Variants in IKBKG observed in about 807,000 individuals in gnomAD.
IKBKG encodes inhibitor of nuclear factor kappa B kinase regulatory subunit gamma, also known as NF-kappa-B essential modulator.
A neutral mutation model predicts 13.7 loss-of-function variants in IKBKG; 2 were observed. The ratio of observed to expected loss-of-function variants is 0.15; its 90% CI spans 0.06 to 0.46. The LOEUF (loss-of-function observed/expected upper bound fraction) is 0.46, where lower values mean the gene tolerates loss of function less well. IKBKG is among the 20% of genes least tolerant of loss of function. The probability of loss-of-function intolerance (pLI) is 0.98; values close to 1 mark genes in which losing one functional copy is unlikely to be tolerated. For missense variants in IKBKG, 53 were observed against 150.3 expected, an observed-to-expected ratio of 0.35 and a Z score of 3.39; for synonymous variants, 22 against 64.4, an observed-to-expected ratio of 0.34 and a Z score of 3.15.
At chrX:154,555,499 C>A (rs1284322514) in intron 2 of IKBKG, among the ~76,000 whole-genome samples, 1 of 112,791 alleles carries the variant, frequency 8.9e-6, no homozygotes, top group Non-Finnish European at 1.9e-5. Flanking sequence ...TTGAGGCCAA[C>A]GATGTGAGAC....
At chrX:154,542,742 C>T (rs782325812), upstream of IKBKG, among the ~76,000 whole-genome samples, 317 of 112,119 alleles carry the variant, frequency 2.8e-3, 3 homozygotes, top group Non-Finnish European at 5.3e-3. Flanking sequence ...CGGGCATTTG[C>T]TCTTCCTTCT....
upstream of IKBKG, among the ~76,000 whole-genome samples, chrX:154,544,721 C>T (rs782270910): frequency 8.9e-6 from 1 of 112,079 alleles, no homozygotes; most frequent in African/African-American, 3.2e-5. Context: ...AATGGCCCCT[C>T]CTTACTCTGC....
At chrX:154,543,859 A>C (rs1557232541), upstream of IKBKG, among the ~76,000 whole-genome samples, 1 of 104,577 alleles carries the variant, frequency 9.6e-6, no homozygotes, top group African/African-American at 3.5e-5. Context: ...ACACCTAACT[A>C]ATTTTTGTTA....
At chrX:154,552,806 G>A (rs950682417) in intron 2 of IKBKG, among the ~76,000 whole-genome samples, 7 of 112,344 alleles carry the variant, frequency 6.2e-5, no homozygotes, top group Non-Finnish European at 1.3e-4. Flanking sequence ...ACTGCCATCC[G>A]GGCGCCCCTC....
At chrX:154,552,524 G>A (rs1557235323) in intron 2 of IKBKG, among the ~76,000 whole-genome samples, 2 of 109,581 alleles carry the variant, frequency 1.8e-5, no homozygotes, top group Non-Finnish European at 3.8e-5. Context: ...AGGCCTCTGT[G>A]TCCCTGCACT....
intron 1 of IKBKG, among the ~76,000 whole-genome samples, chrX:154,548,944 C>G (rs1430646692): frequency 9.1e-6 from 1 of 109,639 alleles, no homozygotes; most frequent in African/African-American, 3.3e-5. Flanking sequence ...TGTTTATATC[C>G]CTCGCAATCC....
upstream of IKBKG, among the ~76,000 whole-genome samples, chrX:154,544,814 G>A (rs1206671104): frequency 8.9e-6 from 1 of 112,243 alleles, no homozygotes; most frequent in African/African-American, 3.2e-5. Context: ...AAGTACAAAG[G>A]TGTCAAGGAG....
upstream of IKBKG, chrX:154,542,489 G>A (rs2148340891): frequency 4.4e-6 from 5 of 1,145,580 alleles, no homozygotes; most frequent in Non-Finnish European, 4.6e-6. Flanking sequence ...AGGGGTGGGA[G>A]TCCTGAGAAG....
intron 2 of IKBKG, among the ~76,000 whole-genome samples, chrX:154,554,615 C>T (rs1174578427): frequency 1.8e-5 from 2 of 111,208 alleles, no homozygotes; most frequent in East Asian, 2.8e-4. Flanking sequence ...TAGCTACAGA[C>T]GTGGTGGCGG....
intron 2 of IKBKG, among the ~76,000 whole-genome samples, chrX:154,554,755 C>CA (rs1288792980): frequency 2.8e-5 from 3 of 108,427 alleles, no homozygotes; most frequent in Admixed American, 9.8e-5. Flanking sequence ...GAGTCTGTCT[C>CA]AAAAAAAAAG....
chrX:154,550,234 TTGTGTGTG>T (rs371906365), intron 1 of IKBKG, among the ~76,000 whole-genome samples: 30 of 99,542 alleles, frequency 3.0e-4, no homozygotes, highest in African/African-American at 9.3e-4. Flanking sequence ...AGATGTGCTC[TTGTGTGTG>T]TGTGTGTGTG....
upstream of IKBKG, among the ~76,000 whole-genome samples, chrX:154,543,872 T>A (rs1355913600): frequency 4.7e-5 from 5 of 105,609 alleles, no homozygotes; most frequent in South Asian, 4.3e-4. Context: ...TTTTGTTATT[T>A]TTTTTTTTTT....
At chrX:154,547,291 C>T (rs2070767927), upstream of IKBKG, 2 of 746,919 alleles carry the variant, frequency 2.7e-6, no homozygotes, top group Non-Finnish European at 3.2e-6. Context: ...CGCCACTCCC[C>T]CGGGAACCCT....
chrX:154,546,795 T>TTCG (rs1557233497), upstream of IKBKG: 3 of 1,160,786 alleles, frequency 2.6e-6, no homozygotes, highest in Non-Finnish European at 3.4e-6. Flanking sequence ...TTACCTGCGC[T>TTCG]TCGTCGTCGT....
upstream of IKBKG, among the ~76,000 whole-genome samples, chrX:154,543,576 G>A (rs1186702521): frequency 2.7e-5 from 3 of 112,266 alleles, no homozygotes; most frequent in African/African-American, 9.7e-5. Context: ...AGCATGGGGT[G>A]GGGATGGAGA....
intron 1 of IKBKG, 23 bp downstream of exon 1, chrX:154,547,768 CAG>C: frequency 1.3e-6 from 1 of 755,106 alleles, no homozygotes; most frequent in African/African-American, 2.3e-5. Flanking sequence ...TCCCCAAAGA[CAG>C]GGTTCCATCC....
In IKBKG at chrX:154,547,634, TG is replaced by T. The variant is rs1244003724; in HGVS notation, c.-125del. On this transcript the variant is annotated 5_prime_UTR_variant, in exon 1 of 10. Coordinates refer to ENST00000594239, the MANE Select transcript of IKBKG (RefSeq NM_001099857.5). ...GCTATGACACCGGAAGCCGGAAGCG[TG>T]GTAGGGAAGGGCGACCGCGAAACTG... The T allele has an allele frequency of 2.7e-6, 2 of 753,479 alleles. No homozygotes were observed. Among genetic ancestry groups the T allele is most frequent in the East Asian group, 3.0e-4 (2 of 6,587 alleles). 62.1% of individuals were successfully genotyped at this position (753,479 alleles called of 1,213,427 possible). A position where few individuals can be genotyped will look rare whatever the true frequency, so the allele number is the denominator to read the frequency against.
At chrX:154,542,911 TGAG>T (rs2148341978), upstream of IKBKG, among the ~76,000 whole-genome samples, 1 of 112,172 alleles carries the variant, frequency 8.9e-6, no homozygotes, top group South Asian at 3.7e-4. Context: ...ATAGGTCCCA[TGAG>T]GAGGGCAGGG....
upstream of IKBKG, chrX:154,542,413 C>T: frequency 8.3e-7 from 1 of 1,199,602 alleles, no homozygotes; most frequent in African/African-American, 1.7e-5. Flanking sequence ...GTTCCAGGCG[C>T]ACACTAGTCT....
Sources: allele counts gnomAD v4.1 joint callset (sites outside exome capture counted in the v4.1 genomes callset), GRCh38; gene constraint gnomAD v4.1.1; transcripts MANE v1.5; gene names NCBI Gene and HGNC (gene_info 2026-07-23, HGNC 2026-07-21).